Variants in LGI1 observed in about 807,000 individuals in gnomAD.
The protein encoded by LGI1 is leucine-rich glioma-inactivated protein 1.
Under a neutral mutation model 57.7 loss-of-function variants are expected in LGI1, and 11 were observed. The ratio of observed to expected loss-of-function variants is 0.19; its 90% CI spans 0.12 to 0.32. The LOEUF is 0.32. Among genes scored for constraint, LGI1 ranks in the 10% least tolerant of loss-of-function variants. The pLI is 1.00. For synonymous variants in LGI1, 222 were observed against 241.9 expected, an observed-to-expected ratio of 0.92 and a Z score of 0.76; for missense variants, 422 against 661.9, an observed-to-expected ratio of 0.64 and a Z score of 3.98.
intron 7 of LGI1, among the ~76,000 whole-genome samples, chr10:93,795,885 G>C (rs1263279192): frequency 2.0e-5 from 3 of 152,234 alleles, no homozygotes; most frequent in African/African-American, 7.2e-5. Context: ...AAAAGAGTCA[G>C]AAATAAAACT....
At chr10:93,778,372 C>T (rs28641648) in intron 4 of LGI1, among the ~76,000 whole-genome samples, 5,207 of 120,762 alleles carry the variant, frequency 0.043, 319 homozygotes, top group African/African-American at 0.14. Flanking sequence ...CACACACACA[C>T]ACACACACAC....
At chr10:93,759,319 G>A (rs551847385) in intron 2 of LGI1, 2 of 169,260 alleles carry the variant, frequency 1.2e-5, no homozygotes, top group Non-Finnish European at 2.5e-5. Context: ...TAATTCTCAA[G>A]AGACTGTTTT....
intron 4 of LGI1, among the ~76,000 whole-genome samples, chr10:93,780,945 C>A (rs887250024): frequency 6.6e-6 from 1 of 152,236 alleles, no homozygotes; most frequent in East Asian, 1.9e-4. Context: ...ATTAAAGCCA[C>A]TCCCTTACCT....
intron 2 of LGI1, among the ~76,000 whole-genome samples, chr10:93,774,781 T>C (rs1483782809): frequency 6.6e-6 from 1 of 152,224 alleles, no homozygotes; most frequent in Non-Finnish European, 1.5e-5. Context: ...GACTGTGGAA[T>C]ACTTTAACAT....
chr10:93,793,152 G>C, intron 6 of LGI1, 34 bp from the exon 7 acceptor site: 5 of 1,556,208 alleles, frequency 3.2e-6, no homozygotes, highest in Non-Finnish European at 4.4e-6. Context: ...AGAGGTATTA[G>C]CTCACAGTTA....
At chr10:93,776,661 C>G (rs949919653) in intron 2 of LGI1, among the ~76,000 whole-genome samples, 3 of 152,106 alleles carry the variant, frequency 2.0e-5, no homozygotes, top group African/African-American at 7.2e-5. Flanking sequence ...CTCTTTTAAG[C>G]CTCTCATTCA....
intron 2 of LGI1, chr10:93,762,605 T>TTA (rs1464733786): frequency 5.9e-5 from 9 of 152,316 alleles, no homozygotes; most frequent in African/African-American, 1.9e-4. Context: ...TATTAGCTGG[T>TTA]TATAGGTGAG....
intron 2 of LGI1, among the ~76,000 whole-genome samples, chr10:93,776,260 C>A (rs940650056): frequency 1.3e-5 from 2 of 152,072 alleles, no homozygotes; most frequent in African/African-American, 4.8e-5. Flanking sequence ...TCCTACCCCC[C>A]ATTCTCCACA....
Position 93,774,790 on chromosome 10 carries a change from A to G in LGI1, c.288-2589A>G, listed in dbSNP as rs139316226. On this transcript the variant is annotated intron_variant, in intron 2 of 7. Transcript: ENST00000371418. ...AACAGAGACTGTGGAATACTTTAAC[A>G]TATCTGGTTCAATAACAAATTATAA... is the stretch of plus-strand genomic sequence containing the variant. Among the ~76,000 whole-genome samples, 726 of 152,322 alleles carry G rather than the reference A, an allele frequency of 4.8e-3. 7 individuals carry two copies. Among genetic ancestry groups the G allele is most frequent in the African/African-American group, 0.016 (679 of 41,568 alleles).
intron 2 of LGI1, among the ~76,000 whole-genome samples, chr10:93,760,282 G>A (rs1423657314): frequency 1.3e-5 from 2 of 152,206 alleles, no homozygotes; most frequent in African/African-American, 4.8e-5. Flanking sequence ...GGAAGTGTTA[G>A]TTAGCACATC....
chr10:93,777,698 TTA>T, intron 4 of LGI1, 81 bp downstream of exon 4: 1 of 1,072,258 alleles, frequency 9.3e-7, no homozygotes, highest in Non-Finnish European at 1.4e-6. Flanking sequence ...TGCACCTACT[TTA>T]TGAGTGTCCA....
At chr10:93,766,629 C>G (rs971108884) in intron 2 of LGI1, among the ~76,000 whole-genome samples, 1 of 150,744 alleles carries the variant, frequency 6.6e-6, no homozygotes, top group Non-Finnish European at 1.5e-5. Flanking sequence ...CTCAGCCTCC[C>G]GAGTAGCTGG....
At chr10:93,778,854 A>G (rs942805291) in intron 4 of LGI1, 3 of 152,190 alleles carry the variant, frequency 2.0e-5, no homozygotes, top group African/African-American at 7.2e-5. Flanking sequence ...ACTGAGCCTG[A>G]TTTCCAGTGT....
chr10:93,791,281 G>T (rs1408702492), intron 5 of LGI1: 2 of 152,218 alleles, frequency 1.3e-5, no homozygotes, highest in Non-Finnish European at 2.9e-5. Flanking sequence ...TCATTAGTGT[G>T]GGTCAGAGTT....
intron 4 of LGI1, among the ~76,000 whole-genome samples, 165 bp downstream of exon 4, chr10:93,777,782 G>A (rs2059807124): frequency 1.3e-5 from 2 of 152,270 alleles, no homozygotes; most frequent in Admixed American, 6.5e-5. Flanking sequence ...CTGTCAGAGG[G>A]TGTTCAATAA....
rs527577048 is a variant in LGI1 at position 93,763,623 on chromosome 10, A to C, written c.287+4792A>C. The C allele has an allele frequency of 3.9e-5, 6 of 152,338 alleles. No individual in the cohort carries two copies. The East Asian group carries it at 1.2e-3, about 29-fold the overall frequency. The allele number at this position is 152,338 out of a possible 1,614,324, so 9.4% of individuals were successfully genotyped here. A position where few individuals can be genotyped will look rare whatever the true frequency, so the allele number is the denominator to read the frequency against. On this transcript the variant is annotated intron_variant, in intron 2 of 7. Transcript: ENST00000371418. ...CTGATGTTTGGTGCACCCTATCTGAATTCACGTGGACTAATAGTGTGGAGG... is the reference window on the plus strand; with the variant it reads ...CTGATGTTTGGTGCACCCTATCTGACTTCACGTGGACTAATAGTGTGGAGG...
intron 4 of LGI1, among the ~76,000 whole-genome samples, chr10:93,787,951 G>A (rs1486699676): frequency 6.6e-6 from 1 of 150,784 alleles, no homozygotes; most frequent in African/African-American, 2.4e-5. Flanking sequence ...AGTAAGACAA[G>A]CATGGTGCCT....
intron 4 of LGI1, chr10:93,778,993 A>G (rs1564845769): frequency 1.3e-5 from 2 of 152,308 alleles, no homozygotes; most frequent in South Asian, 4.1e-4. Flanking sequence ...GTATAGAGTT[A>G]TTGTAATAAA....
In LGI1 at chr10:93,777,325, A is replaced by G. The variant is rs373358952; in HGVS notation, c.288-54A>G. 8.6e-5 allele frequency: 130 copies of G among 1,518,442 alleles called. No homozygotes were observed. The African/African-American group carries it at 1.6e-3, about 19-fold the overall frequency. The allele number at this position is 1,518,442 out of a possible 1,614,324, so 94.1% of individuals were successfully genotyped here. ...ATTTTTCTGAGAGATAAAAGCAGCC[A>G]AGATTGACAATCTGTCAGTTTCACC... On this transcript the variant is annotated intron_variant, in intron 2 of 7. Transcript: ENST00000371418.
Sources: gnomAD v4.1 joint callset for allele counts (sites outside exome capture counted in the v4.1 genomes callset) on GRCh38, gnomAD v4.1.1 for gene constraint, MANE v1.5 for transcripts, NCBI Gene and HGNC (gene_info 2026-07-23, HGNC 2026-07-21) for gene names.